The following PCDH15 variants were observed in gnomAD, a reference collection of about 807,000 sequenced individuals.
PCDH15 encodes the protein protocadherin-15.
In PCDH15, 129 loss-of-function variants were observed where a neutral mutation model predicts 178.5. That is an observed-to-expected ratio of 0.72 (90% confidence interval 0.63 to 0.84). The LOEUF (loss-of-function observed/expected upper bound fraction) is 0.84, where lower values mean the gene tolerates loss of function less well. Ranked by LOEUF, PCDH15 falls within the 40% of genes least tolerant of loss-of-function variation. The pLI is 0.00. For synonymous variants in PCDH15, 800 were observed against 732.0 expected, an observed-to-expected ratio of 1.09 and a Z score of -1.50; for missense variants, 2,230 against 2,099.9, an observed-to-expected ratio of 1.06 and a Z score of -1.21.
chr10:54,829,394 G>A (rs1213477613), intron 3 of PCDH15, among the ~76,000 whole-genome samples: 1 of 151,980 alleles, frequency 6.6e-6, no homozygotes, highest in African/African-American at 2.4e-5. Flanking sequence ...GTGGAAGTAA[G>A]TATTTTATGA....
At chr10:53,881,099 C>T (rs911343462) in intron 26 of PCDH15, among the ~76,000 whole-genome samples, 3 of 152,010 alleles carry the variant, frequency 2.0e-5, no homozygotes, top group African/African-American at 7.3e-5. Context: ...GTCATGAGTA[C>T]CAACTTACAA....
At chr10:55,159,044 A>C (rs1403595529) in intron 2 of PCDH15, among the ~76,000 whole-genome samples, 1 of 152,032 alleles carries the variant, frequency 6.6e-6, no homozygotes, top group Non-Finnish European at 1.5e-5. Flanking sequence ...CATTTTAAAA[A>C]TGATGAAAGG....
chr10:54,731,557 T>TACACACAC (rs1566067357), intron 1 of PCDH15, among the ~76,000 whole-genome samples: 4 of 48,886 alleles, frequency 8.2e-5, no homozygotes, highest in African/African-American at 2.8e-4. Context: ...TATATATATA[T>TACACACAC]ATATATACAC....
At chr10:54,035,274 G>A (rs917337038) in intron 18 of PCDH15, among the ~76,000 whole-genome samples, 5 of 151,856 alleles carry the variant, frequency 3.3e-5, no homozygotes, top group African/African-American at 9.7e-5. Context: ...CTTCACGGAC[G>A]TTGCATTTTT....
chr10:54,332,650 T>C (rs1940079329), intron 6 of PCDH15, among the ~76,000 whole-genome samples: 2 of 151,734 alleles, frequency 1.3e-5, no homozygotes, highest in African/African-American at 4.8e-5. Flanking sequence ...AAAACACTTA[T>C]TTGGGATCTT....
chr10:54,570,449 T>C (rs898128799), intron 2 of PCDH15, among the ~76,000 whole-genome samples: 8 of 152,332 alleles, frequency 5.3e-5, no homozygotes, highest in South Asian at 2.1e-4. Flanking sequence ...TGACAATTTC[T>C]CTTGACAAAT....
At chr10:54,494,055 G>T in intron 3 of PCDH15, among the ~76,000 whole-genome samples, 1 of 143,146 alleles carries the variant, frequency 7.0e-6, no homozygotes, top group African/African-American at 2.6e-5. Context: ...ATGGACACAG[G>T]AAGGGGAACA....
At chr10:54,645,964 A>C (rs1213629222) in intron 2 of PCDH15, among the ~76,000 whole-genome samples, 1 of 152,116 alleles carries the variant, frequency 6.6e-6, no homozygotes, top group Admixed American at 6.6e-5. Context: ...CTCATCAAAA[A>C]TCATACATTA....
intron 1 of PCDH15, among the ~76,000 whole-genome samples, chr10:55,314,197 G>GTATATATATATA (rs1025773854): frequency 9.2e-5 from 11 of 119,762 alleles, no homozygotes; most frequent in African/African-American, 4.0e-4. Context: ...ATATGTTTGT[G>GTATATATATATA]TGTATATATA....
chr10:53,809,145 C>A lies in PCDH15; in HGVS notation c.4671+1411G>T, dbSNP rs976033642. 4.3e-6 allele frequency: 7 copies of A among 1,613,748 alleles called. No homozygotes were observed. The highest frequency in any genetic ancestry group is 5.9e-6 in the Non-Finnish European group (7 of 1,179,860). On this transcript the variant is annotated intron_variant, in intron 37 of 37. Transcript: ENST00000644397. ...CTTCTGATTCAGGGGTGGAACTCTC[C>A]TCCTCCTCAGAGGGTGTCTCTGACT...
At chr10:55,158,693 T>TAA (rs71014458) in intron 2 of PCDH15, among the ~76,000 whole-genome samples, 2 of 141,792 alleles carry the variant, frequency 1.4e-5, no homozygotes, top group East Asian at 2.0e-4. Flanking sequence ...TTGTTCTAAG[T>TAA]AAAAAAAAAA....
At chr10:54,539,321 G>A (rs2084934209) in intron 2 of PCDH15, among the ~76,000 whole-genome samples, 1 of 151,876 alleles carries the variant, frequency 6.6e-6, no homozygotes, top group Non-Finnish European at 1.5e-5. Context: ...ATGGAACAAG[G>A]GTCACTATTG....
At chr10:54,850,752 T>A (rs1444923249) in intron 3 of PCDH15, among the ~76,000 whole-genome samples, 1 of 152,158 alleles carries the variant, frequency 6.6e-6, no homozygotes, top group Admixed American at 6.6e-5. Context: ...CAAAATTAAA[T>A]CACATATGCT....
intron 3 of PCDH15, among the ~76,000 whole-genome samples, chr10:54,409,108 C>T (rs1306015915): frequency 6.6e-6 from 1 of 152,148 alleles, no homozygotes; most frequent in Non-Finnish European, 1.5e-5. Flanking sequence ...GCTCTCATTG[C>T]CTTGTCTGCC....
intron 26 of PCDH15, among the ~76,000 whole-genome samples, chr10:53,887,631 G>T (rs927121583): frequency 3.3e-5 from 5 of 152,186 alleles, no homozygotes; most frequent in Non-Finnish European, 7.3e-5. Flanking sequence ...GCTCACGCCT[G>T]TAATCCCAGC....
intron 17 of PCDH15, among the ~76,000 whole-genome samples, chr10:54,072,034 A>C (rs2094254224): frequency 6.6e-6 from 1 of 152,066 alleles, no homozygotes; most frequent in Admixed American, 6.6e-5. Context: ...CTTATAACTT[A>C]TTTTATTTAA....
intron 21 of PCDH15, among the ~76,000 whole-genome samples, chr10:53,978,966 T>C (rs1381333485): frequency 6.6e-6 from 1 of 152,182 alleles, no homozygotes; most frequent in African/African-American, 2.4e-5. Context: ...CAAATCTCTA[T>C]GAAGTTCCAA....
Position 54,587,462 on chromosome 10 carries a change from G to C in PCDH15, c.92-59585C>G, listed in dbSNP as rs144016823. On this transcript the variant is annotated intron_variant, in intron 2 of 37. Transcript: ENST00000644397. ...AGAGGAGCTTATTGACATAAATGAA[G>C]AAAGTGGATGTGATGAAAAGGATGA... Among the ~76,000 whole-genome samples the C allele has an allele frequency of 8.0e-4, 121 of 151,672 alleles. 2 individuals are homozygous for C. The East Asian group carries it at 0.021, about 27-fold the overall frequency.
intron 1 of PCDH15, among the ~76,000 whole-genome samples, chr10:54,784,773 G>A (rs1412590994): frequency 2.0e-5 from 3 of 152,014 alleles, no homozygotes; most frequent in African/African-American, 7.2e-5. Context: ...GTATAACTCT[G>A]CATAATCATA....
Sources: gnomAD v4.1 joint callset for allele counts (sites outside exome capture counted in the v4.1 genomes callset) on GRCh38, gnomAD v4.1.1 for gene constraint, MANE v1.5 for transcripts, NCBI Gene and HGNC (gene_info 2026-07-23, HGNC 2026-07-21) for gene names.